Variants in IQGAP2 observed in about 807,000 individuals in gnomAD.
The protein encoded by IQGAP2 is ras GTPase-activating-like protein IQGAP2.
A neutral mutation model predicts 201.3 loss-of-function variants in IQGAP2; 173 were observed. The observed-to-expected ratio is 0.86, with a 90% confidence interval of 0.76 to 0.98. The LOEUF (loss-of-function observed/expected upper bound fraction) is 0.98. Ranked by LOEUF, IQGAP2 falls within the 50% of genes least tolerant of loss-of-function variation. The probability of loss-of-function intolerance (pLI) is 0.00; values close to 1 mark genes in which losing one functional copy is unlikely to be tolerated. For missense variants in IQGAP2, 1,687 were observed against 1,864.8 expected (o/e 0.90, Z 1.76); for synonymous variants, 675 against 673.9 (o/e 1.00, Z -0.03).
At chr5:76,684,331 G>A (rs1745553202) in intron 30 of IQGAP2, among the ~76,000 whole-genome samples, 1 of 152,260 alleles carries the variant, frequency 6.6e-6, no homozygotes, top group South Asian at 2.1e-4. Flanking sequence ...CATTATGATA[G>A]CATCTGATTT....
At chr5:76,649,767 C>T (rs1327336146) in intron 17 of IQGAP2, among the ~76,000 whole-genome samples, 1 of 152,218 alleles carries the variant, frequency 6.6e-6, no homozygotes, top group Admixed American at 6.5e-5. Context: ...TCCAACCCCA[C>T]ACTTCTCCTC....
At position 76,499,321 on chromosome 5, in the gene IQGAP2, C is replaced by T. The variant is rs185917213; in HGVS notation, c.146+37652C>T. Among the ~76,000 whole-genome samples the T allele has an allele frequency of 3.3e-3, 509 of 152,332 alleles. 3 individuals are homozygous for T. Among genetic ancestry groups the T allele is most frequent in the African/African-American group, 0.012 (484 of 41,574 alleles). On this transcript the variant is annotated intron_variant, in intron 2 of 35. Coordinates refer to ENST00000274364, the MANE Select transcript of IQGAP2 (RefSeq NM_006633.5). ...ACCTGGGCTCACTCTTTCTGCCCCTCTGTCTTTGAATCAGACAGCAGCTTT... is the reference window on the plus strand; with the variant it reads ...ACCTGGGCTCACTCTTTCTGCCCCTTTGTCTTTGAATCAGACAGCAGCTTT...
intron 1 of IQGAP2, among the ~76,000 whole-genome samples, chr5:76,411,166 G>A (rs943552468): frequency 2.6e-5 from 4 of 152,108 alleles, no homozygotes; most frequent in Admixed American, 6.5e-5. Flanking sequence ...ATTCTGATGC[G>A]CTAGAGCATC....
At chr5:76,580,569 T>TA (rs1255663244) in intron 5 of IQGAP2, among the ~76,000 whole-genome samples, 2 of 152,270 alleles carry the variant, frequency 1.3e-5, no homozygotes, top group African/African-American at 4.8e-5. Flanking sequence ...CTCTTTTTTT[T>TA]ATTACAACTT....
intron 2 of IQGAP2, among the ~76,000 whole-genome samples, 183 bp from the exon 3 acceptor site, chr5:76,562,213 T>C (rs148992953): frequency 3.3e-5 from 5 of 152,324 alleles, no homozygotes; most frequent in Non-Finnish European, 7.4e-5. Flanking sequence ...TTCCCCCTGT[T>C]CGTCTCATGT....
At chr5:76,483,697 C>T (rs1332957377) in intron 2 of IQGAP2, among the ~76,000 whole-genome samples, 2 of 152,234 alleles carry the variant, frequency 1.3e-5, no homozygotes, top group Non-Finnish European at 2.9e-5. Context: ...TTTAGGCTCA[C>T]CTCAGCTCCC....
chr5:76,693,364 G>A lies in IQGAP2; in HGVS notation c.3915G>A (p.Lys1305=), dbSNP rs1580837183. Residue 1305 remains lysine (K), a synonymous_variant, in exon 31 of 36, where the codon AAG becomes AAA. Coordinates refer to ENST00000274364, the MANE Select transcript of IQGAP2 (RefSeq NM_006633.5). ...DSRSLMIKTK[K]LIIDVIRNQP... ...TCTCTGGTTTGTTAAGGACCAAGAAGCTGATAATTGATGTGATCCGGAACC... is the reference window on the plus strand; with the variant it reads ...TCTCTGGTTTGTTAAGGACCAAGAAACTGATAATTGATGTGATCCGGAACC... 1 of 1,612,724 alleles carries A rather than the reference G, an allele frequency of 6.2e-7. No individual in the cohort carries two copies. The highest frequency in any genetic ancestry group is 8.5e-7 in the Non-Finnish European group (1 of 1,179,210).
intron 2 of IQGAP2, among the ~76,000 whole-genome samples, chr5:76,557,204 G>A (rs75225145): frequency 2.0e-5 from 3 of 152,142 alleles, no homozygotes; most frequent in Non-Finnish European, 4.4e-5. Flanking sequence ...TAGAGGAGCA[G>A]AGGCTGGCCC....
intron 17 of IQGAP2, among the ~76,000 whole-genome samples, chr5:76,645,489 C>T (rs1219904140): frequency 6.6e-6 from 1 of 152,216 alleles, no homozygotes; most frequent in Admixed American, 6.5e-5. Flanking sequence ...ATTCCTATTT[C>T]TCCACATCCT....
At chr5:76,475,747 T>C (rs1755378636) in intron 2 of IQGAP2, among the ~76,000 whole-genome samples, 1 of 152,002 alleles carries the variant, frequency 6.6e-6, no homozygotes, top group Non-Finnish European at 1.5e-5. Flanking sequence ...ACTTGAGGGG[T>C]GGGTAAACAT....
intron 2 of IQGAP2, among the ~76,000 whole-genome samples, chr5:76,555,176 G>C (rs1045206330): frequency 9.2e-5 from 14 of 152,160 alleles, no homozygotes; most frequent in African/African-American, 3.1e-4. Flanking sequence ...TGGATATAAG[G>C]TTTCTTTTTC....
In IQGAP2 at chr5:76,647,591, A is replaced by C. The variant is rs146544201; in HGVS notation, c.2095-5159A>C. Among the ~76,000 whole-genome samples the C allele has an allele frequency of 5.3e-3, 806 of 152,182 alleles. 8 individuals carry two copies. Among genetic ancestry groups the C allele is most frequent in the African/African-American group, 0.018 (747 of 41,508 alleles). On this transcript the variant is annotated intron_variant, in intron 17 of 35. Transcript: ENST00000274364. Reference sequence around the variant, plus strand: ...TCTCTCTTGCTGCCACCGTGTAAGAAGTGCCTTTTGCCTTCCACCATGATT... The same window carrying C: ...TCTCTCTTGCTGCCACCGTGTAAGACGTGCCTTTTGCCTTCCACCATGATT...
intron 30 of IQGAP2, among the ~76,000 whole-genome samples, chr5:76,692,038 C>T (rs901177766): frequency 1.3e-5 from 2 of 152,096 alleles, no homozygotes; most frequent in African/African-American, 4.8e-5. Context: ...AATGCAATAA[C>T]GGGACTACAG....
chr5:76,559,144 G>C lies in IQGAP2; in HGVS notation c.147-3252G>C, dbSNP rs189395726. ...TCTCTATCTCCTGACCTCGTGATCCGCCCGCCTCAGCCTCCCAAAGTGATG... is the reference window on the plus strand; with the variant it reads ...TCTCTATCTCCTGACCTCGTGATCCCCCCGCCTCAGCCTCCCAAAGTGATG... On this transcript the variant is annotated intron_variant, in intron 2 of 35. Coordinates refer to ENST00000274364, the MANE Select transcript of IQGAP2 (RefSeq NM_006633.5). 3.9e-5 allele frequency among the ~76,000 whole-genome samples: 6 copies of C among 152,080 alleles called. No individual in the cohort carries two copies. The South Asian group carries it at 1.2e-3, about 32-fold the overall frequency.
At chr5:76,427,346 CA>C (rs1670192145) in intron 1 of IQGAP2, among the ~76,000 whole-genome samples, 1 of 152,098 alleles carries the variant, frequency 6.6e-6, no homozygotes, top group Non-Finnish European at 1.5e-5. Context: ...TTTACTGGAC[CA>C]ATTAGTGTTG....
rs78313947 is a variant in IQGAP2, at chr5:76,522,985, A to G, written c.147-39411A>G. Among the ~76,000 whole-genome samples, 1,016 of 151,650 alleles carry G rather than the reference A, an allele frequency of 6.7e-3. 10 individuals are homozygous for G. Among genetic ancestry groups the G allele is most frequent in the African/African-American group, 0.022 (927 of 41,312 alleles). On this transcript the variant is annotated intron_variant, in intron 2 of 35. Transcript: ENST00000274364. ...ACCATCCATCCCCATTACAAATTAC[A>G]TGCCTTTTTGTAAAAGATCTTAACC...
rs1016262312 is a variant in IQGAP2, at chr5:76,697,397, A to G, written c.4207-590A>G. On this transcript the variant is annotated intron_variant, in intron 32 of 35. Transcript: ENST00000274364. ...AATGTCTCATGCCTATAATCCCAGCACTTCGGGAGGCCGAGGCGGGCAGAT... is the reference window on the plus strand; with the variant it reads ...AATGTCTCATGCCTATAATCCCAGCGCTTCGGGAGGCCGAGGCGGGCAGAT... Among the ~76,000 whole-genome samples, 7 of 152,338 alleles carry G rather than the reference A, an allele frequency of 4.6e-5. No individual in the cohort carries two copies. The South Asian group carries it at 8.3e-4, about 18-fold the overall frequency.
chr5:76,586,085 A>G (rs1746225783), intron 5 of IQGAP2, among the ~76,000 whole-genome samples: 1 of 152,240 alleles, frequency 6.6e-6, no homozygotes, highest in African/African-American at 2.4e-5. Context: ...AGCTTTAATT[A>G]TAATGACTTG....
chr5:76,608,753 T>C (rs1480423260), intron 12 of IQGAP2: 4 of 163,396 alleles, frequency 2.4e-5, no homozygotes, highest in African/African-American at 9.6e-5. Flanking sequence ...CTTTTCCCAG[T>C]AGAACCATAA....
Sources: gnomAD v4.1 joint callset for allele counts (sites outside exome capture counted in the v4.1 genomes callset) on GRCh38, gnomAD v4.1.1 for gene constraint, MANE v1.5 for transcripts, NCBI Gene and HGNC (gene_info 2026-07-23, HGNC 2026-07-21) for gene names.